Variants in PTPRO observed in about 807,000 individuals in gnomAD.
PTPRO encodes receptor-type tyrosine-protein phosphatase O.
In PTPRO, 62 loss-of-function variants were observed where a neutral mutation model predicts 145.2. That is an observed-to-expected ratio of 0.43 (90% CI 0.35 to 0.53). The LOEUF (loss-of-function observed/expected upper bound fraction) is 0.53. Ranked by LOEUF, PTPRO falls within the 20% of genes least tolerant of loss-of-function variation. The pLI, the probability that PTPRO is intolerant of heterozygous loss-of-function variation, is 0.01. For missense variants in PTPRO, 1,345 were observed against 1,482.7 expected, an observed-to-expected ratio of 0.91 and a Z score of 1.53; for synonymous variants, 565 against 514.7, an observed-to-expected ratio of 1.10 and a Z score of -1.32.
chr12:15,547,677 C>T (rs1325211968), intron 13 of PTPRO, among the ~76,000 whole-genome samples: 2 of 152,162 alleles, frequency 1.3e-5, no homozygotes, highest in Non-Finnish European at 2.9e-5. Context: ...AAAATAACTG[C>T]TCTGCCAATA....
Position 15,501,864 on chromosome 12 carries a change from T to C in PTPRO, c.906T>C (p.Ser302=). ...CGTCTCAGCCATATTGGTGGGACAG[T>C]GCATCTGCAGCTCCTGAAAGTGAAG... The part of the protein sequence containing the change: ...ETTSQPYWWD[S]ASAAPESEDE... Residue 302 remains serine (S), a synonymous_variant, in exon 5 of 27, where the codon AGT becomes AGC. Coordinates refer to ENST00000281171, the MANE Select transcript of PTPRO (RefSeq NM_030667.3). 1.9e-6 allele frequency: 3 copies of C among 1,614,104 alleles called. No individual in the cohort carries two copies. Among genetic ancestry groups the C allele is most frequent in the Non-Finnish European group, 2.5e-6 (3 of 1,180,010 alleles).
At chr12:15,576,426 A>C (rs11056570) in intron 19 of PTPRO, among the ~76,000 whole-genome samples, 28,900 of 152,132 alleles carry the variant, frequency 0.19, 2,889 homozygotes, top group Middle Eastern at 0.27. Context: ...TCTGTCAGTT[A>C]GTCAGCTTCC....
chr12:15,579,070 A>G (rs1944251445), intron 20 of PTPRO, 127 bp downstream of exon 20: 1 of 759,240 alleles, frequency 1.3e-6, no homozygotes. Context: ...GCCACGTCTG[A>G]GATTGCATTG....
chr12:15,463,628 A>G (rs1200043487), intron 1 of PTPRO, among the ~76,000 whole-genome samples: 1 of 152,158 alleles, frequency 6.6e-6, no homozygotes, highest in Non-Finnish European at 1.5e-5. Flanking sequence ...ATCATTCAAT[A>G]TTACTCTTAT....
intron 2 of PTPRO, among the ~76,000 whole-genome samples, chr12:15,491,084 T>C (rs1230491769): frequency 6.6e-6 from 1 of 152,170 alleles, no homozygotes; most frequent in African/African-American, 2.4e-5. Flanking sequence ...CTGGCCTGCT[T>C]TGATGTAGCT....
intron 10 of PTPRO, among the ~76,000 whole-genome samples, chr12:15,521,214 T>C (rs1410231691): frequency 6.6e-6 from 1 of 152,118 alleles, no homozygotes; most frequent in African/African-American, 2.4e-5. Context: ...GTTTACTCTG[T>C]TGAAATGTAT....
intron 1 of PTPRO, among the ~76,000 whole-genome samples, chr12:15,415,668 A>T (rs1230673655): frequency 2.0e-5 from 3 of 151,772 alleles, no homozygotes; most frequent in Non-Finnish European, 2.9e-5. Context: ...TACAGGCGTG[A>T]GCCACTGTGC....
chr12:15,439,934 G>C (rs376681666), intron 1 of PTPRO: 2 of 676,868 alleles, frequency 3.0e-6, no homozygotes, highest in Non-Finnish European at 5.4e-6. Context: ...TGGCCACATC[G>C]GTCTGGGTGT....
chr12:15,538,242 T>G (rs1365292069), intron 12 of PTPRO, among the ~76,000 whole-genome samples: 1 of 150,834 alleles, frequency 6.6e-6, no homozygotes, highest in African/African-American at 2.4e-5. Context: ...AGTGCTTCTT[T>G]TTTTTTTTGA....
chr12:15,336,953 C>T (rs1866784289), intron 1 of PTPRO, among the ~76,000 whole-genome samples: 1 of 152,166 alleles, frequency 6.6e-6, no homozygotes, highest in African/African-American at 2.4e-5. Flanking sequence ...CCTCGCTGAC[C>T]ACTGTCTTTG....
chr12:15,528,333 G>A (rs1441376173), intron 12 of PTPRO, among the ~76,000 whole-genome samples: 17 of 149,890 alleles, frequency 1.1e-4, no homozygotes, highest in Non-Finnish European at 1.8e-4. Context: ...TGGCTAACAT[G>A]GTGAAACCCT....
chr12:15,481,705 G>T (rs1941782483), intron 1 of PTPRO, among the ~76,000 whole-genome samples: 1 of 152,138 alleles, frequency 6.6e-6, no homozygotes, highest in Admixed American at 6.5e-5. Context: ...TCAATGTTAA[G>T]ACAGAATTAA....
chr12:15,411,891 C>T (rs1042810787), intron 1 of PTPRO, among the ~76,000 whole-genome samples: 1 of 152,126 alleles, frequency 6.6e-6, no homozygotes, highest in Admixed American at 6.5e-5. Flanking sequence ...TATATTAGCC[C>T]AGCAGCATGC....
intron 1 of PTPRO, among the ~76,000 whole-genome samples, chr12:15,452,022 A>C (rs1941059158): frequency 1.3e-5 from 2 of 149,630 alleles, no homozygotes; most frequent in African/African-American, 5.1e-5. Context: ...AAGTTGAAAC[A>C]AAAAAGCATG....
intron 1 of PTPRO, among the ~76,000 whole-genome samples, chr12:15,473,982 C>T (rs1382742168): frequency 6.6e-6 from 1 of 152,114 alleles, no homozygotes. Context: ...TCCCCTAGTT[C>T]TCACAGGTAA....
At chr12:15,414,852 G>T (rs1939901878) in intron 1 of PTPRO, among the ~76,000 whole-genome samples, 1 of 152,140 alleles carries the variant, frequency 6.6e-6, no homozygotes, top group Non-Finnish European at 1.5e-5. Flanking sequence ...TCACCTAATA[G>T]AGTCTCTTAG....
intron 1 of PTPRO, among the ~76,000 whole-genome samples, chr12:15,444,931 G>A (rs182966203): frequency 6.0e-4 from 92 of 152,198 alleles, no homozygotes; most frequent in Non-Finnish European, 1.2e-3. Context: ...TCTTTGAATA[G>A]TAATGACTAA....
Position 15,501,965 on chromosome 12 carries a change from G to A in PTPRO, c.1007G>A (p.Gly336Asp). The stretch of plus-strand genomic sequence containing the variant: ...AGTGAGACAGAGAAGTCAACATCAG[G>A]CTCTTTCTCCTTTTTCCCTGTGCAA... ...TLSETEKSTS[G>D]SFSFFPVQMI... Residue 336 changes from glycine to aspartate, a missense_variant, in exon 5 of 27, where the codon GGC (glycine) becomes GAC (aspartate). By Grantham distance (94) the Gly-to-Asp change is moderately conservative. Coordinates refer to ENST00000281171, the MANE Select transcript of PTPRO (RefSeq NM_030667.3). 1 of 1,613,918 alleles carries A rather than the reference G, an allele frequency of 6.2e-7. No homozygotes were observed. Among genetic ancestry groups the A allele is most frequent in the Non-Finnish European group, 8.5e-7 (1 of 1,179,882 alleles).
chr12:15,435,165 G>A (rs957733397), intron 1 of PTPRO, among the ~76,000 whole-genome samples: 2 of 152,106 alleles, frequency 1.3e-5, no homozygotes. Context: ...CTGGTATAGG[G>A]TAATAGACTT....
Sources: gnomAD v4.1 joint callset for allele counts (sites outside exome capture counted in the v4.1 genomes callset) on GRCh38, gnomAD v4.1.1 for gene constraint, MANE v1.5 for transcripts, NCBI Gene and HGNC (gene_info 2026-07-23, HGNC 2026-07-21) for gene names.